Variants in PDE4D observed in about 807,000 individuals in gnomAD.
The protein encoded by PDE4D is 3',5'-cyclic-AMP phosphodiesterase 4D.
Under a neutral mutation model 87.4 loss-of-function variants are expected in PDE4D, and 24 were observed. The observed-to-expected ratio is 0.27, with a 90% CI of 0.20 to 0.39. The LOEUF is 0.39. Ranked by LOEUF, PDE4D falls within the 10% of genes least tolerant of loss-of-function variation. The probability of loss-of-function intolerance (pLI) is 1.00; values close to 1 mark genes in which losing one functional copy is unlikely to be tolerated. For missense variants in PDE4D, 714 were observed against 1,041.0 expected (o/e 0.69, Z 4.32); for synonymous variants, 384 against 383.2 (o/e 1.00, Z -0.02).
At chr5:60,103,051 A>G (rs781592182) in intron 2 of PDE4D, among the ~76,000 whole-genome samples, 6 of 152,086 alleles carry the variant, frequency 3.9e-5, no homozygotes, top group Non-Finnish European at 5.9e-5. Flanking sequence ...AGTTTGTGTT[A>G]TAGAAAATTC....
intron 1 of PDE4D, among the ~76,000 whole-genome samples, chr5:59,771,493 G>A (rs1189369062): frequency 0.058 from 2,021 of 34,908 alleles, 40 homozygotes; most frequent in Middle Eastern, 0.078. Flanking sequence ...AAGAGAGAGA[G>A]AGAGAGAAGA....
chr5:60,450,702 A>G (rs950863220), intron 1 of PDE4D, among the ~76,000 whole-genome samples: 2 of 152,156 alleles, frequency 1.3e-5, no homozygotes, highest in Non-Finnish European at 2.9e-5. Context: ...CAAGAGTATG[A>G]CATAAATACA....
chr5:59,955,930 C>A (rs534459422), intron 3 of PDE4D, among the ~76,000 whole-genome samples: 1 of 152,210 alleles, frequency 6.6e-6, no homozygotes, highest in East Asian at 1.9e-4. Context: ...TCTCTAAATT[C>A]CTTTTGTGTT....
intron 2 of PDE4D, among the ~76,000 whole-genome samples, chr5:60,149,588 T>C (rs974744958): frequency 1.3e-5 from 2 of 152,072 alleles, no homozygotes; most frequent in African/African-American, 4.8e-5. Flanking sequence ...TCTTTTCCAC[T>C]AAAGGTAATT....
chr5:59,859,441 T>C (rs1259758281), intron 1 of PDE4D, among the ~76,000 whole-genome samples: 1 of 152,156 alleles, frequency 6.6e-6, no homozygotes, highest in Non-Finnish European at 1.5e-5. Flanking sequence ...CAGAAATCCA[T>C]GTATAGAGGG....
Position 60,019,326 on chromosome 5 carries a change from T to A in PDE4D, c.43-30609A>T, listed in dbSNP as rs567942300. Among the ~76,000 whole-genome samples the A allele has an allele frequency of 4.5e-4, 68 of 152,314 alleles. No individual in the cohort carries two copies. The South Asian group carries it at 0.013, about 30-fold the overall frequency. On this transcript the variant is annotated intron_variant, in intron 2 of 16. Coordinates refer to the PDE4D transcript ENST00000502484. The stretch of plus-strand genomic sequence containing the variant: ...GCCCTAGGATTTTTGAAATGCTAAA[T>A]GAGCACTGGCTTTAATTTAAAGTCG...
At chr5:59,718,442 T>C (rs1164508407) in intron 1 of PDE4D, among the ~76,000 whole-genome samples, 1 of 152,152 alleles carries the variant, frequency 6.6e-6, no homozygotes, top group East Asian at 1.9e-4. Context: ...CTCTGGAATC[T>C]CTCCTAAACA....
chr5:60,268,454 T>C (rs1305372960), intron 1 of PDE4D, among the ~76,000 whole-genome samples: 1 of 152,162 alleles, frequency 6.6e-6, no homozygotes, highest in Non-Finnish European at 1.5e-5. Flanking sequence ...GAGGACCCTC[T>C]TCGGGTGTGG....
In PDE4D at chr5:59,138,108, A is replaced by G. The variant is rs954392645; in HGVS notation, c.808+42487T>C. On this transcript the variant is annotated intron_variant, in intron 5 of 14. Coordinates refer to ENST00000340635, the MANE Select transcript of PDE4D (RefSeq NM_001104631.2). ...GAAAAGCTAAACACTGGGGATACAT[A>G]TTACTTCACTTTTGTCCCTGAAATT... Among the ~76,000 whole-genome samples the G allele has an allele frequency of 3.3e-5, 5 of 152,344 alleles. No individual in the cohort carries two copies. In the East Asian group the frequency reaches 7.7e-4, roughly 24 times the overall value.
rs182442577 is a variant in PDE4D, at chr5:58,991,494, A to C, written c.1188+338T>G. Among the ~76,000 whole-genome samples the C allele has an allele frequency of 7.9e-5, 12 of 152,310 alleles. No homozygotes were observed. The East Asian group carries it at 2.3e-3, about 29-fold the overall frequency. The stretch of plus-strand genomic sequence containing the variant: ...TTACAACACATTTATGTACTTTTTA[A>C]GTATCAATCACAAAGCACTTCTTTA... On this transcript the variant is annotated intron_variant, in intron 8 of 14. Transcript: ENST00000340635.
chr5:59,497,026 A>G (rs936012482), intron 1 of PDE4D, among the ~76,000 whole-genome samples: 1 of 152,174 alleles, frequency 6.6e-6, no homozygotes, highest in Non-Finnish European at 1.5e-5. Context: ...CACTACAAGA[A>G]GCAACGTCTC....
chr5:60,362,884 AT>A (rs1760196667), intron 1 of PDE4D, among the ~76,000 whole-genome samples: 1 of 151,662 alleles, frequency 6.6e-6, no homozygotes, highest in African/African-American at 2.4e-5. Context: ...AAAAAGAAAT[AT>A]TATTTTATTT....
intron 1 of PDE4D, among the ~76,000 whole-genome samples, chr5:59,350,543 G>A (rs1264050338): frequency 6.6e-6 from 1 of 152,084 alleles, no homozygotes; most frequent in Non-Finnish European, 1.5e-5. Flanking sequence ...CACTTGCCAT[G>A]AATCGGAACA....
intron 1 of PDE4D, among the ~76,000 whole-genome samples, chr5:59,337,330 C>A (rs971517773): frequency 6.4e-5 from 9 of 141,614 alleles, no homozygotes; most frequent in East Asian, 6.1e-4. Context: ...AGTTCCCCCC[C>A]CCCCACCTTT....
intron 1 of PDE4D, among the ~76,000 whole-genome samples, chr5:59,857,562 G>A (rs1745626395): frequency 7.9e-6 from 1 of 125,850 alleles, no homozygotes; most frequent in Non-Finnish European, 1.5e-5. Flanking sequence ...TTTCCCTGAT[G>A]AGCAAGTTAT....
chr5:59,083,597 T>G (rs1200426786), intron 5 of PDE4D, among the ~76,000 whole-genome samples: 1 of 87,546 alleles, frequency 1.1e-5, no homozygotes, highest in East Asian at 5.5e-4. Flanking sequence ...TACATATATA[T>G]TCAGTATTCT....
chr5:59,056,063 A>T (rs1580554984), intron 5 of PDE4D, among the ~76,000 whole-genome samples: 1 of 152,178 alleles, frequency 6.6e-6, no homozygotes, highest in African/African-American at 2.4e-5. Context: ...GAGGTTCCAG[A>T]CAGGCTTCCT....
intron 1 of PDE4D, among the ~76,000 whole-genome samples, chr5:60,506,329 CAT>C: frequency 6.6e-6 from 1 of 152,348 alleles, no homozygotes; most frequent in East Asian, 1.9e-4. Context: ...CACATATACA[CAT>C]GTGTTCCTGA....
chr5:59,185,336 G>C (rs1467251138), intron 3 of PDE4D, 74 bp from the exon 4 acceptor site: 1 of 1,069,878 alleles, frequency 9.3e-7, no homozygotes, highest in Admixed American at 2.3e-5. Flanking sequence ...GGTTTGTTAA[G>C]AGAAAACTTG....
Sources: allele counts gnomAD v4.1 joint callset (sites outside exome capture counted in the v4.1 genomes callset), GRCh38; gene constraint gnomAD v4.1.1; transcripts MANE v1.5; gene names NCBI Gene and HGNC (gene_info 2026-07-23, HGNC 2026-07-21).